The following LRRTM4 variants were observed in gnomAD, a reference collection of about 807,000 sequenced individuals.
LRRTM4 encodes leucine-rich repeat transmembrane neuronal protein 4.
LRRTM4 carries 25 observed loss-of-function variants against 47.6 expected under a neutral mutation model. That is an observed-to-expected ratio of 0.53 (90% CI 0.38 to 0.73). The LOEUF (loss-of-function observed/expected upper bound fraction) is 0.73, where lower values mean the gene tolerates loss of function less well. Among genes scored for constraint, LRRTM4 ranks in the 30% least tolerant of loss-of-function variants. The pLI, the probability that LRRTM4 is intolerant of heterozygous loss-of-function variation, is 0.00. For missense variants in LRRTM4, 638 were observed against 713.4 expected, an observed-to-expected ratio of 0.89 and a Z score of 1.20; for synonymous variants, 311 against 269.5, an observed-to-expected ratio of 1.15 and a Z score of -1.51.
chr2:77,200,792 A>G (rs367939653), intron 3 of LRRTM4, among the ~76,000 whole-genome samples: 2 of 152,156 alleles, frequency 1.3e-5, no homozygotes, highest in Non-Finnish European at 2.9e-5. Context: ...ACATAATTTA[A>G]TATGATGACT....
At position 77,518,559 on chromosome 2, in the gene LRRTM4, G is replaced by A. The variant is rs756905050; in HGVS notation, c.1310C>T (p.Ala437Val). The A allele has an allele frequency of 1.9e-6, 3 of 1,613,376 alleles. No individual in the cohort carries two copies. The highest frequency in any genetic ancestry group is 2.5e-6 in the Non-Finnish European group (3 of 1,179,612). ...AGSVALFLSV[A>V]MILLVIYVSW... ...CACATAGATCACCAAGAGGATCATG[G>A]CCACTGAGAGAAAGAGAGCCACACT... Residue 437 changes from alanine (A) to valine (V), a missense_variant, in exon 3 of 4, where the codon GCC becomes GTC. Physicochemically the swap from Ala to Val is moderately conservative, Grantham distance 64 (BLOSUM62 0). Transcript: ENST00000409884.
chr2:77,415,328 C>T (rs148416997), intron 3 of LRRTM4, among the ~76,000 whole-genome samples: 5 of 152,236 alleles, frequency 3.3e-5, no homozygotes, highest in Admixed American at 2.0e-4. Flanking sequence ...TACTGTATTA[C>T]AGGCTCTACC....
intron 3 of LRRTM4, among the ~76,000 whole-genome samples, chr2:77,245,538 A>T (rs1558651046): frequency 1.2e-5 from 1 of 85,646 alleles, no homozygotes; most frequent in East Asian, 2.3e-4. Context: ...AAAAAAAAAA[A>T]GAAGAAGAAG....
intron 3 of LRRTM4, among the ~76,000 whole-genome samples, chr2:76,908,390 T>G (rs1243866458): frequency 3.9e-5 from 6 of 151,906 alleles, no homozygotes; most frequent in Non-Finnish European, 7.4e-5. Flanking sequence ...AATATCATAC[T>G]GAATGGGCAA....
chr2:76,843,909 A>ATT lies in LRRTM4; in HGVS notation c.1552-94995_1552-94994dup, dbSNP rs60754198. 5.3e-4 allele frequency among the ~76,000 whole-genome samples: 73 copies of ATT among 137,434 alleles called. 1 individual carries two copies. The highest frequency in any genetic ancestry group is 1.4e-3 in the South Asian group (6 of 4,386). The allele number at this position is 137,434 out of a possible 152,430, so 90.2% of individuals were successfully genotyped here. ...TTAATGATAATTTCTTTCTTTTTTC[A>ATT]TTTTTTTTTTTTTTTTGAGATGGAG... On this transcript the variant is annotated intron_variant, in intron 3 of 3. Transcript: ENST00000409884.
At chr2:76,929,345 A>G (rs942603320) in intron 3 of LRRTM4, among the ~76,000 whole-genome samples, 5 of 152,032 alleles carry the variant, frequency 3.3e-5, no homozygotes, top group African/African-American at 1.2e-4. Context: ...GTGCCCATTT[A>G]CCTCCCTAGT....
chr2:76,814,651 G>T (rs1415538374), intron 3 of LRRTM4, among the ~76,000 whole-genome samples: 1 of 152,016 alleles, frequency 6.6e-6, no homozygotes, highest in Non-Finnish European at 1.5e-5. Flanking sequence ...AGGGGTGTAG[G>T]TTATATGTAA....
chr2:76,784,958 T>G (rs1462750587), intron 3 of LRRTM4, among the ~76,000 whole-genome samples: 2 of 152,228 alleles, frequency 1.3e-5, no homozygotes, highest in African/African-American at 2.4e-5. Flanking sequence ...AGATTGCACT[T>G]CAGAATGTAT....
chr2:77,363,992 G>A (rs778752156), intron 3 of LRRTM4, among the ~76,000 whole-genome samples: 5 of 151,936 alleles, frequency 3.3e-5, no homozygotes, highest in Admixed American at 6.6e-5. Context: ...CCACAGTTAC[G>A]AAATTACTGA....
intron 3 of LRRTM4, among the ~76,000 whole-genome samples, chr2:76,779,975 A>G (rs1010328230): frequency 6.6e-6 from 1 of 152,058 alleles, no homozygotes; most frequent in Non-Finnish European, 1.5e-5. Flanking sequence ...AAAATCTCTC[A>G]GCATTTGCTT....
chr2:77,322,871 G>A (rs1462729975), intron 3 of LRRTM4, among the ~76,000 whole-genome samples: 2 of 150,128 alleles, frequency 1.3e-5, no homozygotes, highest in East Asian at 3.9e-4. Context: ...CCAGCTTATT[G>A]TATGTAACCA....
At chr2:77,428,022 T>C (rs1675192800) in intron 3 of LRRTM4, among the ~76,000 whole-genome samples, 1 of 152,200 alleles carries the variant, frequency 6.6e-6, no homozygotes, top group South Asian at 2.1e-4. Flanking sequence ...CCCATGCTAC[T>C]GTTCTTGTGA....
At chr2:77,056,056 G>C (rs1679595833) in intron 3 of LRRTM4, among the ~76,000 whole-genome samples, 1 of 110,536 alleles carries the variant, frequency 9.0e-6, no homozygotes, top group Non-Finnish European at 1.8e-5. Flanking sequence ...GGGGGGAGGG[G>C]GGAGGGATAG....
chr2:76,816,552 T>A (rs1415443456), intron 3 of LRRTM4, among the ~76,000 whole-genome samples: 2 of 151,964 alleles, frequency 1.3e-5, no homozygotes, highest in Admixed American at 6.6e-5. Flanking sequence ...GTATTTTTAT[T>A]TATTTTTTAT....
At chr2:77,165,403 C>CTGT (rs1672852600) in intron 3 of LRRTM4, among the ~76,000 whole-genome samples, 1 of 152,106 alleles carries the variant, frequency 6.6e-6, no homozygotes, top group Non-Finnish European at 1.5e-5. Context: ...GCTGGTGCCA[C>CTGT]TCCTTCTGAA....
chr2:77,347,618 T>C (rs1671615829), intron 3 of LRRTM4, among the ~76,000 whole-genome samples: 1 of 152,128 alleles, frequency 6.6e-6, no homozygotes, highest in Admixed American at 6.5e-5. Flanking sequence ...TATACAGTTT[T>C]ATAAAATATA....
chr2:77,336,343 A>AT (rs1328199870), intron 3 of LRRTM4, among the ~76,000 whole-genome samples: 1 of 151,820 alleles, frequency 6.6e-6, no homozygotes, highest in Non-Finnish European at 1.5e-5. Flanking sequence ...GAAGGGGCAC[A>AT]TTTTTGCCAC....
intron 3 of LRRTM4, among the ~76,000 whole-genome samples, chr2:77,239,475 A>C (rs1445443154): frequency 6.6e-6 from 1 of 151,960 alleles, no homozygotes; most frequent in Non-Finnish European, 1.5e-5. Flanking sequence ...TAAACACTAC[A>C]ATTAAGAAAG....
intron 3 of LRRTM4, among the ~76,000 whole-genome samples, chr2:76,992,526 A>T (rs1212347178): frequency 6.6e-6 from 1 of 151,452 alleles, no homozygotes; most frequent in Non-Finnish European, 1.5e-5. Context: ...ATTTTTCAAC[A>T]GCCACAAAGA....
Sources: allele counts gnomAD v4.1 joint callset (sites outside exome capture counted in the v4.1 genomes callset), GRCh38; gene constraint gnomAD v4.1.1; transcripts MANE v1.5; gene names NCBI Gene and HGNC (gene_info 2026-07-23, HGNC 2026-07-21).